Variants in RPS6KB1 observed in about 807,000 individuals in gnomAD.
The protein encoded by RPS6KB1 is ribosomal protein S6 kinase beta-1.
In RPS6KB1, 12 loss-of-function variants were observed where a neutral mutation model predicts 70.2. The observed-to-expected ratio is 0.17, with a 90% CI of 0.11 to 0.28. RPS6KB1 has a LOEUF of 0.28. Ranked by LOEUF, RPS6KB1 falls within the 10% of genes least tolerant of loss-of-function variation. RPS6KB1 has a pLI of 1.00. For synonymous variants in RPS6KB1, 175 were observed against 211.2 expected (o/e 0.83, Z 1.49); for missense variants, 270 against 646.6 (o/e 0.42, Z 6.32).
At chr17:59,902,462 A>G (rs1242582114) in intron 1 of RPS6KB1, among the ~76,000 whole-genome samples, 2 of 152,018 alleles carry the variant, frequency 1.3e-5, no homozygotes, top group African/African-American at 4.8e-5. Context: ...TTAGGGCCAA[A>G]TAGTTATTCT....
rs964872707 is a variant in RPS6KB1, at chr17:59,911,548, T to G, written c.191+937T>G. ...GCTAATTTTTGTTGGGTTTTTTTTT[T>G]TTTTTTTTTTTTTTGAGACAAAGTC... On this transcript the variant is annotated intron_variant, in intron 2 of 14. Transcript: ENST00000225577. 5.6e-5 allele frequency among the ~76,000 whole-genome samples: 8 copies of G among 141,854 alleles called. No individual in the cohort carries two copies. In the Admixed American group the frequency reaches 5.7e-4, roughly 10 times the overall value. The allele number at this position is 141,854 out of a possible 152,430, so 93.1% of individuals were successfully genotyped here.
At position 59,934,859 on chromosome 17, in the gene RPS6KB1, A is replaced by G; in HGVS notation, c.871-334A>G. The G allele has an allele frequency of 5.3e-6, 2 of 377,260 alleles. No individual in the cohort carries two copies. The highest frequency in any genetic ancestry group is 9.6e-6 in the Non-Finnish European group (2 of 208,444). 23.4% of individuals were successfully genotyped at this position (377,260 alleles called of 1,614,324 possible). ...ATGGTGGAAACACAGGCTTCCTTCCAGGACACTGCTACTTCCTCTGTCCTG... is the reference window on the plus strand; with the variant it reads ...ATGGTGGAAACACAGGCTTCCTTCCGGGACACTGCTACTTCCTCTGTCCTG... On this transcript the variant is annotated intron_variant, in intron 9 of 14. Coordinates refer to ENST00000225577, the MANE Select transcript of RPS6KB1 (RefSeq NM_003161.4). The surrounding 1 kb of genome is among the most constrained non-coding windows in gnomAD (Gnocchi z 4.8).
At chr17:59,912,256 T>A in intron 2 of RPS6KB1, 1 of 225,176 alleles carries the variant, frequency 4.4e-6, no homozygotes, top group South Asian at 6.6e-5. Flanking sequence ...GTTCTTGCTC[T>A]TGTTGTGTCT....
At chr17:59,904,068 GTATTTATTTATT>G (rs34220591) in intron 1 of RPS6KB1, among the ~76,000 whole-genome samples, 2 of 149,300 alleles carry the variant, frequency 1.3e-5, no homozygotes, top group Non-Finnish European at 3.0e-5. Context: ...TTGAGTTGGA[GTATTTATTTATT>G]TATTTATTTA....
chr17:59,917,674 GC>G (rs2043035632), intron 4 of RPS6KB1, among the ~76,000 whole-genome samples: 1 of 152,174 alleles, frequency 6.6e-6, no homozygotes, highest in African/African-American at 2.4e-5. Context: ...CTGGCCTCAA[GC>G]AGTTGTTCTG....
intron 10 of RPS6KB1, among the ~76,000 whole-genome samples, chr17:59,935,511 G>A (rs2144994776): frequency 6.6e-6 from 1 of 150,606 alleles, no homozygotes; most frequent in South Asian, 2.1e-4. Flanking sequence ...GTCTTGCCCT[G>A]TCACCCAGGC....
intron 1 of RPS6KB1, among the ~76,000 whole-genome samples, chr17:59,905,561 A>T (rs890094601): frequency 6.6e-6 from 1 of 150,978 alleles, no homozygotes; most frequent in African/African-American, 2.4e-5. Flanking sequence ...CTGGAGGGCA[A>T]TGACACGCTC....
In RPS6KB1 at chr17:59,894,291, T is replaced by C. The variant is rs372580510; in HGVS notation, c.141+966T>C. Among the ~76,000 whole-genome samples, 65 of 152,232 alleles carry C rather than the reference T, an allele frequency of 4.3e-4. 1 individual carries two copies. The highest frequency in any genetic ancestry group is 1.6e-3 in the African/African-American group (65 of 41,540). ...CTTTTTTTTTCCCTAGATAAATTTA[T>C]CAAAAAATGACAAATTGCACCTGAA... On this transcript the variant is annotated intron_variant, in intron 1 of 14. Transcript: ENST00000225577.
At chr17:59,925,539 T>C (rs2043555245) in intron 4 of RPS6KB1, among the ~76,000 whole-genome samples, 1 of 152,192 alleles carries the variant, frequency 6.6e-6, no homozygotes, top group Non-Finnish European at 1.5e-5. Context: ...AGTTGGTTTA[T>C]TATACTAGCC....
chr17:59,944,248 T>G (rs1190222550), intron 13 of RPS6KB1, among the ~76,000 whole-genome samples: 2 of 152,186 alleles, frequency 1.3e-5, no homozygotes, highest in African/African-American at 4.8e-5. Context: ...TACTCATAGA[T>G]TTTGATAAAT....
chr17:59,931,322 C>G (rs2043912366), intron 6 of RPS6KB1: 2 of 299,282 alleles, frequency 6.7e-6, no homozygotes, highest in South Asian at 7.8e-5. Flanking sequence ...AATTCCTACA[C>G]AGACAGAACA....
At chr17:59,899,019 A>G (rs896498864) in intron 1 of RPS6KB1, among the ~76,000 whole-genome samples, 8 of 151,902 alleles carry the variant, frequency 5.3e-5, no homozygotes, top group Non-Finnish European at 1.0e-4. Context: ...CCTGGCCAAC[A>G]TGGTGAAAAC....
chr17:59,907,835 T>A (rs1260405854), intron 1 of RPS6KB1, among the ~76,000 whole-genome samples: 1 of 152,212 alleles, frequency 6.6e-6, no homozygotes, highest in Non-Finnish European at 1.5e-5. Flanking sequence ...AATTTTTTTC[T>A]AAGCTACTTC....
chr17:59,940,275 C>CTTTTTTTTT (rs559026454), intron 12 of RPS6KB1, among the ~76,000 whole-genome samples: 1 of 81,490 alleles, frequency 1.2e-5, no homozygotes, highest in Non-Finnish European at 2.3e-5. Flanking sequence ...GATATATTCA[C>CTTTTTTTTT]TTTTTTTTTT....
chr17:59,943,763 G>A (rs531605657), intron 13 of RPS6KB1, among the ~76,000 whole-genome samples: 34 of 151,164 alleles, frequency 2.2e-4, no homozygotes, highest in Non-Finnish European at 4.4e-4. Flanking sequence ...CCAGCTACTC[G>A]GGAGGCTGAG....
At chr17:59,914,992 C>CTT (rs748670403) in intron 4 of RPS6KB1, among the ~76,000 whole-genome samples, 2 of 142,916 alleles carry the variant, frequency 1.4e-5, no homozygotes, top group Non-Finnish European at 1.5e-5. Context: ...ATTTTCTTTT[C>CTT]TTTTTTTTTT....
chr17:59,896,384 G>A (rs989075185), intron 1 of RPS6KB1, among the ~76,000 whole-genome samples: 1 of 152,062 alleles, frequency 6.6e-6, no homozygotes, highest in African/African-American at 2.4e-5. Flanking sequence ...AGTAGAGACG[G>A]GGTTTCTCCA....
At chr17:59,935,341 G>C (rs769636920) in intron 10 of RPS6KB1, 41 bp downstream of exon 10, 6 of 1,064,950 alleles carry the variant, frequency 5.6e-6, no homozygotes, top group Middle Eastern at 2.0e-4. Flanking sequence ...AAGATTCAAT[G>C]ACTAGGATTT....
At chr17:59,914,490 T>C (rs2042827431) in intron 3 of RPS6KB1, 145 bp from the exon 4 acceptor site, 1 of 679,170 alleles carries the variant, frequency 1.5e-6, no homozygotes, top group South Asian at 1.7e-5. Flanking sequence ...TGATCATTAA[T>C]GTGGTCTGTT....
Sources: allele counts gnomAD v4.1 joint callset (sites outside exome capture counted in the v4.1 genomes callset), GRCh38; gene constraint gnomAD v4.1.1; non-coding constraint Gnocchi (gnomAD v3.1); transcripts MANE v1.5; gene names NCBI Gene and HGNC (gene_info 2026-07-23, HGNC 2026-07-21).